SLC4A4: variants seen among roughly 807,000 people sequenced by gnomAD.
The protein encoded by SLC4A4 is solute carrier family 4 member 4.
Under a neutral mutation model 111.5 loss-of-function variants are expected in SLC4A4, and 27 were observed. The ratio of observed to expected loss-of-function variants is 0.24; its 90% CI spans 0.18 to 0.33. The LOEUF (loss-of-function observed/expected upper bound fraction) is 0.33. Ranked by LOEUF, SLC4A4 falls within the 10% of genes least tolerant of loss-of-function variation. The probability of loss-of-function intolerance (pLI) is 1.00; values close to 1 mark genes in which losing one functional copy is unlikely to be tolerated. For missense variants in SLC4A4, 909 were observed against 1,315.5 expected, an observed-to-expected ratio of 0.69 and a Z score of 4.78; for synonymous variants, 443 against 463.4, an observed-to-expected ratio of 0.96 and a Z score of 0.57.
At chr4:71,379,544 A>G (rs1717896878) in intron 6 of SLC4A4, among the ~76,000 whole-genome samples, 1 of 151,928 alleles carries the variant, frequency 6.6e-6, no homozygotes, top group Admixed American at 6.6e-5. Context: ...ACTCTCCCTT[A>G]TTTGTGCTCT....
At chr4:71,281,920 CTT>C (rs978228003) in intron 3 of SLC4A4, among the ~76,000 whole-genome samples, 1 of 149,114 alleles carries the variant, frequency 6.7e-6, no homozygotes, top group Non-Finnish European at 1.5e-5. Flanking sequence ...TCTTTTTTCT[CTT>C]TCTTTTTTTT....
At chr4:71,263,038 G>A (rs771168770) in intron 3 of SLC4A4, among the ~76,000 whole-genome samples, 38 of 78,554 alleles carry the variant, frequency 4.8e-4, no homozygotes, top group Non-Finnish European at 6.1e-4. Context: ...AACAGGCCCC[G>A]GTGTGTGATG....
At chr4:71,559,756 T>C (rs1441724977) in intron 22 of SLC4A4, among the ~76,000 whole-genome samples, 2 of 151,886 alleles carry the variant, frequency 1.3e-5, no homozygotes, top group Non-Finnish European at 2.9e-5. Context: ...ATTTTTTTAC[T>C]TTAAACTTTT....
chr4:71,268,475 T>C (rs930476663), intron 3 of SLC4A4, among the ~76,000 whole-genome samples: 12 of 152,290 alleles, frequency 7.9e-5, no homozygotes, highest in African/African-American at 2.9e-4. Context: ...TTTATGGCGA[T>C]TTATACTTTG....
intron 3 of SLC4A4, among the ~76,000 whole-genome samples, chr4:71,313,276 A>G (rs567790354): frequency 6.6e-6 from 1 of 152,374 alleles, no homozygotes; most frequent in East Asian, 1.9e-4. Context: ...AGGAAATAAG[A>G]GAGGACAGAA....
intron 2 of SLC4A4, among the ~76,000 whole-genome samples, chr4:71,181,098 A>G (rs1745276547): frequency 6.6e-6 from 1 of 151,750 alleles, no homozygotes; most frequent in African/African-American, 2.4e-5. Flanking sequence ...CATCACTCTC[A>G]GCAAACTATC....
chr4:71,240,885 A>G (rs1236006694), intron 2 of SLC4A4, among the ~76,000 whole-genome samples: 5 of 152,142 alleles, frequency 3.3e-5, no homozygotes, highest in African/African-American at 1.2e-4. Context: ...TGGGAGGCCA[A>G]GGTGGGAGGA....
chr4:71,364,730 G>A (rs1731094536), intron 6 of SLC4A4, among the ~76,000 whole-genome samples: 1 of 151,962 alleles, frequency 6.6e-6, no homozygotes. Context: ...ATTTTGGGGG[G>A]GATACAAACA....
intron 2 of SLC4A4, among the ~76,000 whole-genome samples, chr4:71,166,048 T>A (rs559764652): frequency 3.3e-5 from 5 of 152,224 alleles, no homozygotes; most frequent in Middle Eastern, 6.8e-3. Flanking sequence ...AAAAGAAAAA[T>A]TTCCTATTGA....
chr4:71,391,022 T>C (rs1719203860), intron 6 of SLC4A4, among the ~76,000 whole-genome samples: 1 of 152,096 alleles, frequency 6.6e-6, no homozygotes, highest in Non-Finnish European at 1.5e-5. Context: ...CATTTTCTAG[T>C]AGGTTTGTTA....
At chr4:71,088,964 T>G (rs1052446069) in intron 1 of SLC4A4, among the ~76,000 whole-genome samples, 2 of 152,204 alleles carry the variant, frequency 1.3e-5, no homozygotes, top group South Asian at 2.1e-4. Context: ...CTTGCTAGAT[T>G]GGGGAAGTTC....
chr4:71,537,448 TATAG>T (rs1560599826), intron 18 of SLC4A4, among the ~76,000 whole-genome samples: 137 of 144,986 alleles, frequency 9.4e-4, no homozygotes, highest in African/African-American at 3.2e-3. Context: ...TGTGTGTATA[TATAG>T]AGAGAGAGAG....
chr4:71,448,319 C>CAA (rs5859260), intron 9 of SLC4A4, among the ~76,000 whole-genome samples: 3 of 89,584 alleles, frequency 3.3e-5, no homozygotes, highest in Non-Finnish European at 2.4e-5. Flanking sequence ...GATTCCATCT[C>CAA]AAAAAAAAAA....
chr4:71,198,280 GAA>G (rs1337003706), intron 1 of SLC4A4, among the ~76,000 whole-genome samples: 3 of 152,162 alleles, frequency 2.0e-5, no homozygotes, highest in African/African-American at 7.2e-5. Context: ...TATTTCCAGT[GAA>G]ATCTCAGTGT....
chr4:71,084,339 C>T (rs1262666316), intron 1 of SLC4A4, among the ~76,000 whole-genome samples: 1 of 151,960 alleles, frequency 6.6e-6, no homozygotes, highest in African/African-American at 2.4e-5. Context: ...TTATCTGCAA[C>T]CTCCACGAAC....
At chr4:71,140,611 C>A (rs934093732) in intron 2 of SLC4A4, among the ~76,000 whole-genome samples, 2 of 152,146 alleles carry the variant, frequency 1.3e-5, no homozygotes, top group African/African-American at 4.8e-5. Flanking sequence ...CCACTCACTG[C>A]CCCAGCCTGC....
intron 3 of SLC4A4, among the ~76,000 whole-genome samples, chr4:71,272,185 A>T (rs1415341422): frequency 6.6e-6 from 1 of 152,238 alleles, no homozygotes; most frequent in Non-Finnish European, 1.5e-5. Context: ...TTCTGTAAAC[A>T]TCATTTCTCT....
intron 3 of SLC4A4, among the ~76,000 whole-genome samples, chr4:71,338,272 A>G (rs1039572569): frequency 6.6e-6 from 1 of 152,138 alleles, no homozygotes. Flanking sequence ...CCTGTATTAT[A>G]ATAGTTTTCA....
chr4:71,148,092 G>A (rs181321391), intron 2 of SLC4A4, among the ~76,000 whole-genome samples: 1 of 152,216 alleles, frequency 6.6e-6, no homozygotes, highest in Admixed American at 6.5e-5. Context: ...CAACTGCAAG[G>A]GACTTTAAAG....
Sources: allele counts gnomAD v4.1 joint callset (sites outside exome capture counted in the v4.1 genomes callset), GRCh38; gene constraint gnomAD v4.1.1; transcripts MANE v1.5; gene names NCBI Gene and HGNC (gene_info 2026-07-23, HGNC 2026-07-21).